VWA8: variants seen among roughly 807,000 people sequenced by gnomAD.
VWA8 encodes von Willebrand factor A domain-containing protein 8.
In VWA8, 221 loss-of-function variants were observed where a neutral mutation model predicts 241.5. That is an observed-to-expected ratio of 0.91 (90% CI 0.82 to 1.02). The LOEUF (loss-of-function observed/expected upper bound fraction) is 1.02, where lower values mean the gene tolerates loss of function less well. VWA8 is among the 50% of genes least tolerant of loss of function. VWA8 has a pLI of 0.00. For missense variants in VWA8, 2,322 were observed against 2,328.7 expected (o/e 1.00, Z 0.06); for synonymous variants, 852 against 827.1 (o/e 1.03, Z -0.52).
intron 9 of VWA8, among the ~76,000 whole-genome samples, chr13:41,876,455 T>C (rs888250280): frequency 4.6e-5 from 7 of 152,254 alleles, no homozygotes; most frequent in South Asian, 4.1e-4. Flanking sequence ...TCAGCGTTTT[T>C]ATACTGGTTA....
chr13:41,875,481 C>G (rs769328496), intron 9 of VWA8, among the ~76,000 whole-genome samples: 4 of 152,034 alleles, frequency 2.6e-5, no homozygotes. Context: ...CACCATCAAA[C>G]TTCATTGATA....
At chr13:41,744,512 T>A (rs1201494519) in intron 21 of VWA8, among the ~76,000 whole-genome samples, 1 of 152,214 alleles carries the variant, frequency 6.6e-6, no homozygotes, top group African/African-American at 2.4e-5. Flanking sequence ...ATCCCATCCC[T>A]TTCTGCTCAT....
intron 2 of VWA8, among the ~76,000 whole-genome samples, chr13:41,929,472 T>C (rs1177149737): frequency 6.6e-6 from 1 of 152,150 alleles, no homozygotes. Flanking sequence ...AAATTATGTG[T>C]GTATCAAAAT....
chr13:41,959,108 A>G (rs1411486469), intron 1 of VWA8, among the ~76,000 whole-genome samples: 1 of 152,252 alleles, frequency 6.6e-6, no homozygotes, highest in East Asian at 1.9e-4. Context: ...GCAAGGAAAC[A>G]GAATAATTCT....
intron 3 of VWA8, among the ~76,000 whole-genome samples, chr13:41,909,438 A>G (rs926961279): frequency 6.6e-6 from 1 of 152,246 alleles, no homozygotes; most frequent in Admixed American, 6.5e-5. Context: ...ATGTTTCCCT[A>G]AAAACAAATG....
At chr13:41,872,665 T>C (rs1017904197) in intron 9 of VWA8, among the ~76,000 whole-genome samples, 10 of 152,308 alleles carry the variant, frequency 6.6e-5, no homozygotes, top group Admixed American at 5.9e-4. Context: ...CATTGATCTA[T>C]ATCTCTGTTT....
chr13:41,879,807 C>T (rs1874082925), intron 9 of VWA8, among the ~76,000 whole-genome samples: 1 of 152,108 alleles, frequency 6.6e-6, no homozygotes, highest in Admixed American at 6.5e-5. Flanking sequence ...GAGAGAAATA[C>T]CATTCCATAT....
intron 26 of VWA8, 38 bp downstream of exon 26, chr13:41,719,552 CA>C (rs1566427231): frequency 1.2e-6 from 2 of 1,607,652 alleles, no homozygotes; most frequent in East Asian, 2.2e-5. Flanking sequence ...CAAGAACTAT[CA>C]GCATTTAAGA....
intron 2 of VWA8, among the ~76,000 whole-genome samples, chr13:41,943,355 G>GA (rs1877686840): frequency 6.6e-6 from 1 of 152,030 alleles, no homozygotes; most frequent in African/African-American, 2.4e-5. Context: ...GCTATATTAT[G>GA]AAAAAATGGT....
intron 1 of VWA8, among the ~76,000 whole-genome samples, chr13:41,956,748 G>A (rs929122154): frequency 6.6e-6 from 1 of 152,040 alleles, no homozygotes; most frequent in Non-Finnish European, 1.5e-5. Flanking sequence ...TTATTGCATT[G>A]TTTATATATT....
Position 41,701,583 on chromosome 13 carries a change from A to G in VWA8, c.3226-53T>C, listed in dbSNP as rs966976845. Reference sequence around the variant, plus strand: ...GATATTTTGGTTGTCACCAAAATGTAGAAAAGCTAAAGTTCTTCCAAAATA... The same window carrying G: ...GATATTTTGGTTGTCACCAAAATGTGGAAAAGCTAAAGTTCTTCCAAAATA... On this transcript the variant is annotated intron_variant, in intron 27 of 44. Transcript: ENST00000379310. 6 of 1,470,766 alleles carry G rather than the reference A, an allele frequency of 4.1e-6. No homozygotes were observed. In the African/African-American group the frequency reaches 7.2e-5, roughly 18 times the overall value. The allele number at this position is 1,470,766 out of a possible 1,614,324, so 91.1% of individuals were successfully genotyped here.
At chr13:41,918,410 CTAAG>C (rs1252570560) in intron 2 of VWA8, among the ~76,000 whole-genome samples, 1 of 152,102 alleles carries the variant, frequency 6.6e-6, no homozygotes, top group Non-Finnish European at 1.5e-5. Flanking sequence ...TATTCAATGA[CTAAG>C]TGTCATGTTG....
chr13:41,823,117 A>AT (rs1241852140), intron 14 of VWA8, among the ~76,000 whole-genome samples: 1 of 152,134 alleles, frequency 6.6e-6, no homozygotes, highest in African/African-American at 2.4e-5. Flanking sequence ...TCTATCTAGA[A>AT]TTTTTTTAAA....
Position 41,754,069 on chromosome 13 carries a change from AG to A in VWA8, c.2426+7058del, listed in dbSNP as rs1439764596. ...AAAAATTCCCCACACTGAAATTAGT[AG>A]GAGTGTCAGTCTAGTCAGTAAAAAA... On this transcript the variant is annotated intron_variant, in intron 21 of 44. Transcript: ENST00000379310. Among the ~76,000 whole-genome samples the A allele has an allele frequency of 5.9e-5, 9 of 152,266 alleles. No homozygotes were observed. The East Asian group carries it at 1.2e-3, about 20-fold the overall frequency.
intron 12 of VWA8, 48 bp from the exon 13 acceptor site, chr13:41,833,579 T>C (rs751727055): frequency 9.2e-6 from 14 of 1,525,766 alleles, no homozygotes. Context: ...GAATTAATTT[T>C]TAAGACATGC....
rs767010894 is a variant in VWA8 at position 41,699,136 on chromosome 13, G to C, written c.3499C>G (p.Pro1167Ala). 8 of 1,614,036 alleles carry C rather than the reference G, an allele frequency of 5.0e-6. No homozygotes were observed. In the East Asian group the frequency reaches 8.9e-5, roughly 18 times the overall value. The change falls in exon 29 of 45, where the codon CCT (proline) becomes GCT (alanine). Residue 1167 changes from proline to alanine, a missense_variant. By Grantham distance (27) the Pro-to-Ala change is conservative (BLOSUM62 -1). Coordinates refer to ENST00000379310, the MANE Select transcript of VWA8 (RefSeq NM_015058.2). ...CCCAGCGGTGCCACTGTCACAAAAG[G>C]GTGCCAAACGCCATTGGCTGTTCTT... ...FPRTANGVWH[P>A]FVTVAPLGSP...
rs556429951 is a variant in VWA8 at position 41,764,715 on chromosome 13, T to C, written c.2350-3511A>G. Among the ~76,000 whole-genome samples the C allele has an allele frequency of 3.4e-4, 52 of 151,938 alleles. 1 individual carries two copies. In the South Asian group the frequency reaches 0.011, roughly 32 times the overall value. On this transcript the variant is annotated intron_variant, in intron 20 of 44. Coordinates refer to ENST00000379310, the MANE Select transcript of VWA8 (RefSeq NM_015058.2). ...GAGAGCTGGACAGGTATGCAAGAAG[T>C]CAGAAGCTAGAGAAAAGTGAGAAAG...
intron 35 of VWA8, among the ~76,000 whole-genome samples, chr13:41,680,398 G>A (rs754723297): frequency 6.6e-6 from 1 of 152,042 alleles, no homozygotes; most frequent in Non-Finnish European, 1.5e-5. Context: ...TGCTCATAGG[G>A]ATTTTCATTC....
chr13:41,631,447 C>T (rs1423419808), intron 37 of VWA8, among the ~76,000 whole-genome samples: 1 of 152,142 alleles, frequency 6.6e-6, no homozygotes, highest in East Asian at 1.9e-4. Flanking sequence ...AGTTTCAGGC[C>T]GAGCTCCTCA....
Sources: gnomAD v4.1 joint callset for allele counts (sites outside exome capture counted in the v4.1 genomes callset) on GRCh38, gnomAD v4.1.1 for gene constraint, MANE v1.5 for transcripts, NCBI Gene and HGNC (gene_info 2026-07-23, HGNC 2026-07-21) for gene names.